The following MACC1 variants were observed in gnomAD, a reference collection of about 807,000 sequenced individuals.
MACC1 encodes MET transcriptional regulator MACC1.
A neutral mutation model predicts 70.7 loss-of-function variants in MACC1; 79 were observed. That is an observed-to-expected ratio of 1.12 (90% CI 0.93 to 1.35). The LOEUF (loss-of-function observed/expected upper bound fraction) is 1.35, where lower values mean the gene tolerates loss of function less well. Ranked by LOEUF, MACC1 falls within the 40% of genes most tolerant of loss-of-function variation. MACC1 has a pLI of 0.00. For synonymous variants in MACC1, 361 were observed against 347.2 expected, an observed-to-expected ratio of 1.04 and a Z score of -0.44; for missense variants, 1,106 against 978.1, an observed-to-expected ratio of 1.13 and a Z score of -1.74.
At chr7:20,209,446 T>C (rs1206260338) in intron 1 of MACC1, among the ~76,000 whole-genome samples, 1 of 152,242 alleles carries the variant, frequency 6.6e-6, no homozygotes, top group Non-Finnish European at 1.5e-5. Flanking sequence ...CTTTATGGGT[T>C]AATGACTGCC....
intron 1 of MACC1, among the ~76,000 whole-genome samples, chr7:20,173,594 T>C (rs1365637397): frequency 6.6e-6 from 1 of 152,222 alleles, no homozygotes; most frequent in Non-Finnish European, 1.5e-5. Flanking sequence ...CTCTAGCTTA[T>C]GCAAAAAGTG....
intron 4 of MACC1, 101 bp downstream of exon 4, chr7:20,161,647 T>C: frequency 1.4e-6 from 1 of 707,240 alleles, no homozygotes; most frequent in Non-Finnish European, 2.4e-6. Flanking sequence ...TTATAATTCT[T>C]TTCATCTTCC....
rs1009544798 is a variant in MACC1 at position 20,159,139 on chromosome 7, C to T, written c.1222G>A (p.Gly408Ser). 1.2e-6 allele frequency: 2 copies of T among 1,613,614 alleles called. No homozygotes were observed. The highest frequency in any genetic ancestry group is 1.3e-5 in the African/African-American group (1 of 74,858). ...ACAACTGGAGATATGTTTTTTCCAC[C>T]CTTCTTAATATCAGAAATTGTAAGC... is the stretch of plus-strand genomic sequence containing the variant. ...GQLTISDIKK[G>S]GKNISPVVFQ... is the part of the protein sequence containing the mutation. Residue 408 changes from glycine (G) to serine (S), a missense_variant, in exon 5 of 7, where the codon GGT becomes AGT. Coordinates refer to ENST00000400331, the MANE Select transcript of MACC1 (RefSeq NM_182762.4).
chr7:20,161,315 G>A (rs1782135747), intron 4 of MACC1, among the ~76,000 whole-genome samples: 1 of 151,964 alleles, frequency 6.6e-6, no homozygotes, highest in African/African-American at 2.4e-5. Flanking sequence ...AGTGTTATAT[G>A]CTAAAAATTA....
chr7:20,199,814 TA>T (rs1186525986), intron 1 of MACC1, among the ~76,000 whole-genome samples: 8 of 152,236 alleles, frequency 5.3e-5, no homozygotes, highest in Admixed American at 2.6e-4. Flanking sequence ...AACTTATTTT[TA>T]AAGTAAAAAC....
At chr7:20,208,555 A>G (rs950508241) in intron 1 of MACC1, among the ~76,000 whole-genome samples, 6 of 152,170 alleles carry the variant, frequency 3.9e-5, no homozygotes, top group African/African-American at 1.2e-4. Flanking sequence ...TGAGAGAGAT[A>G]ATTTAGGGTA....
intron 1 of MACC1, among the ~76,000 whole-genome samples, chr7:20,172,653 G>C (rs1490695152): frequency 6.6e-6 from 1 of 152,144 alleles, no homozygotes; most frequent in Non-Finnish European, 1.5e-5. Context: ...ATTCAGAATA[G>C]AATAGGCAGA....
rs923238979 is a variant in MACC1 at position 20,139,184 on chromosome 7, C to G, written c.*1762G>C. 6.6e-6 allele frequency: 1 copy of G among 152,174 alleles called. No individual in the cohort carries two copies. Among genetic ancestry groups the G allele is most frequent in the African/African-American group, 2.4e-5 (1 of 41,418 alleles). 9.4% of individuals were successfully genotyped at this position (152,174 alleles called of 1,614,324 possible). A position where few individuals can be genotyped will look rare whatever the true frequency, so the allele number is the denominator to read the frequency against. On this transcript the variant is annotated 3_prime_UTR_variant, in exon 7 of 7. Coordinates refer to ENST00000400331, the MANE Select transcript of MACC1 (RefSeq NM_182762.4). The stretch of plus-strand genomic sequence containing the variant: ...TTCTAAATTCTAGCAGCCTTAATGG[C>G]CCTAATGTGGCTTCTTCTTGCTCCA...
intron 1 of MACC1, among the ~76,000 whole-genome samples, chr7:20,177,639 AT>A (rs1782414870): frequency 8.5e-6 from 1 of 118,056 alleles, no homozygotes; most frequent in Middle Eastern, 3.9e-3. Context: ...GTGCTTTACC[AT>A]TTTAACGCAC....
rs1277216505 is a variant in MACC1 at position 20,139,560 on chromosome 7, G to T, written c.*1386C>A. 6.6e-6 allele frequency: 1 copy of T among 152,072 alleles called. No homozygotes were observed. Among genetic ancestry groups the T allele is most frequent in the Non-Finnish European group, 1.5e-5 (1 of 68,012 alleles). 9.4% of individuals were successfully genotyped at this position (152,072 alleles called of 1,614,324 possible). The stretch of plus-strand genomic sequence containing the variant: ...CACTACTAAAGTCAGAGTTCATGCT[G>T]GTTTTTTCCCATTAGCCTCAAGCAT... On this transcript the variant is annotated 3_prime_UTR_variant, in exon 7 of 7. Coordinates refer to ENST00000400331, the MANE Select transcript of MACC1 (RefSeq NM_182762.4).
At chr7:20,154,902 TA>T (rs199700276) in intron 5 of MACC1, among the ~76,000 whole-genome samples, 5 of 151,382 alleles carry the variant, frequency 3.3e-5, no homozygotes, top group East Asian at 1.9e-4. Flanking sequence ...CTGCTGTGTT[TA>T]AAAAAAAGAG....
intron 6 of MACC1, among the ~76,000 whole-genome samples, chr7:20,151,401 C>T (rs142187527): frequency 2.6e-5 from 4 of 152,264 alleles, no homozygotes; most frequent in Non-Finnish European, 4.4e-5. Flanking sequence ...CTAACTTTCA[C>T]GGAAGAACCT....
chr7:20,178,082 A>G (rs1782424320), intron 1 of MACC1, among the ~76,000 whole-genome samples: 1 of 152,130 alleles, frequency 6.6e-6, no homozygotes, highest in South Asian at 2.1e-4. Flanking sequence ...TTTAAACTCT[A>G]CACATTTTGT....
intron 5 of MACC1, among the ~76,000 whole-genome samples, chr7:20,157,134 T>TAAGA (rs1782066536): frequency 6.6e-6 from 1 of 152,208 alleles, no homozygotes; most frequent in Non-Finnish European, 1.5e-5. Context: ...CTTCGACCTA[T>TAAGA]AAGATGAAGA....
intron 1 of MACC1, among the ~76,000 whole-genome samples, chr7:20,183,276 A>G (rs192647245): frequency 2.1e-4 from 32 of 152,370 alleles, no homozygotes; most frequent in African/African-American, 7.7e-4. Flanking sequence ...AGCAGCCTCT[A>G]AGAGCTGAGA....
intron 1 of MACC1, among the ~76,000 whole-genome samples, chr7:20,204,527 G>A (rs978993060): frequency 6.6e-6 from 1 of 152,024 alleles, no homozygotes; most frequent in African/African-American, 2.4e-5. Context: ...CAGCCTGAAC[G>A]TCCTGAGACA....
At chr7:20,197,345 C>T (rs1459307508) in intron 1 of MACC1, among the ~76,000 whole-genome samples, 1 of 152,206 alleles carries the variant, frequency 6.6e-6, no homozygotes, top group Non-Finnish European at 1.5e-5. Flanking sequence ...CTGTGTTTGC[C>T]TATTCCCTTG....
At chr7:20,213,385 A>C (rs892041223) in intron 1 of MACC1, among the ~76,000 whole-genome samples, 22 of 152,224 alleles carry the variant, frequency 1.4e-4, no homozygotes, top group Non-Finnish European at 2.5e-4. Context: ...CAAAGACCTA[A>C]AGACACAAAT....
Position 20,137,921 on chromosome 7 carries a change from G to A in MACC1, c.*3025C>T, listed in dbSNP as rs560522249. 1 of 152,176 alleles carries A rather than the reference G, an allele frequency of 6.6e-6. No individual in the cohort carries two copies. The highest frequency in any genetic ancestry group is 1.5e-5 in the Non-Finnish European group (1 of 68,048). 9.4% of individuals were successfully genotyped at this position (152,176 alleles called of 1,614,324 possible). On this transcript the variant is annotated 3_prime_UTR_variant, in exon 7 of 7. Transcript: ENST00000400331. ...TAATCCTAGCACTCTGGGAGGCCGAGGCAGGTGGATGACCTGAGGTCAGGA... is the reference window on the plus strand; with the variant it reads ...TAATCCTAGCACTCTGGGAGGCCGAAGCAGGTGGATGACCTGAGGTCAGGA...
Sources: allele counts gnomAD v4.1 joint callset (sites outside exome capture counted in the v4.1 genomes callset), GRCh38; gene constraint gnomAD v4.1.1; transcripts MANE v1.5; gene names NCBI Gene and HGNC (gene_info 2026-07-23, HGNC 2026-07-21).